NFIA: variants seen among roughly 807,000 people sequenced by gnomAD.
NFIA encodes nuclear factor I A.
In NFIA, 8 loss-of-function variants were observed where a neutral mutation model predicts 62.8. The ratio of observed to expected loss-of-function variants is 0.13; its 90% confidence interval spans 0.07 to 0.23. The LOEUF (loss-of-function observed/expected upper bound fraction) is 0.23, where lower values mean the gene tolerates loss of function less well. NFIA is among the 10% of genes least tolerant of loss of function. The pLI, the probability that NFIA is intolerant of heterozygous loss-of-function variation, is 1.00. For synonymous variants in NFIA, 235 were observed against 238.1 expected, an observed-to-expected ratio of 0.99 and a Z score of 0.12; for missense variants, 410 against 642.1, an observed-to-expected ratio of 0.64 and a Z score of 3.91.
chr1:61,338,396 C>T (rs1243846510), intron 4 of NFIA, among the ~76,000 whole-genome samples: 2 of 152,208 alleles, frequency 1.3e-5, no homozygotes, highest in African/African-American at 4.8e-5. Context: ...CATGAGGTGG[C>T]ACCCTAGTGG....
intron 2 of NFIA, among the ~76,000 whole-genome samples, chr1:61,103,770 A>G (rs1646551043): frequency 6.6e-6 from 1 of 152,160 alleles, no homozygotes; most frequent in South Asian, 2.1e-4. Flanking sequence ...TTTTTACAGA[A>G]TGATTTTCCT....
At chr1:61,160,427 G>A (rs746275967) in intron 2 of NFIA, among the ~76,000 whole-genome samples, 2 of 152,212 alleles carry the variant, frequency 1.3e-5, no homozygotes, top group Non-Finnish European at 2.9e-5. Flanking sequence ...ACTTTCTGAA[G>A]TGTCATCCAA....
Position 61,406,542 on chromosome 1 carries a change from T to TTGGC in NFIA, c.1255-20_1255-19insTGGC. The TTGGC allele has an allele frequency of 8.0e-7, 1 of 1,253,824 alleles. No homozygotes were observed. The highest frequency in any genetic ancestry group is 1.1e-6 in the Non-Finnish European group (1 of 931,738). 77.7% of individuals were successfully genotyped at this position (1,253,824 alleles called of 1,614,324 possible). On this transcript the variant is annotated intron_variant, in intron 8 of 10. Transcript: ENST00000403491. ...TTCTTTTTCTTGTACGTGTGTTTTC[T>TTGGC]GCCCCCCCCCCCCCCACAGCCCAAT...
In NFIA at chr1:61,455,458, G is replaced by T. The variant is rs1478132480; in HGVS notation, c.*138G>T. ...GAGAAAAACCGATTCAAATCAACTT[G>T]TACATGGAAACAGCAAGCATTATGG... On this transcript the variant is annotated 3_prime_UTR_variant, in exon 11 of 11. Coordinates refer to ENST00000403491, the MANE Select transcript of NFIA (RefSeq NM_001134673.4). The T allele has an allele frequency of 7.1e-7, 1 of 1,401,878 alleles. No homozygotes were observed. Among genetic ancestry groups the T allele is most frequent in the Non-Finnish European group, 1.0e-6 (1 of 1,002,462 alleles). The allele number at this position is 1,401,878 out of a possible 1,614,324, so 86.8% of individuals were successfully genotyped here.
intron 6 of NFIA, among the ~76,000 whole-genome samples, chr1:61,373,090 C>A (rs190778763): frequency 4.5e-4 from 69 of 152,230 alleles, no homozygotes; most frequent in Admixed American, 1.8e-3. Context: ...GTGATAGCAG[C>A]TCAATTCATT....
intron 7 of NFIA, among the ~76,000 whole-genome samples, chr1:61,397,932 A>C (rs1665362539): frequency 6.6e-6 from 1 of 152,196 alleles, no homozygotes; most frequent in South Asian, 2.1e-4. Flanking sequence ...AGTTAATGAG[A>C]TATCAAAGGT....
intron 7 of NFIA, among the ~76,000 whole-genome samples, chr1:61,387,900 G>A (rs184330686): frequency 7.9e-5 from 12 of 152,288 alleles, no homozygotes; most frequent in Admixed American, 6.5e-4. Context: ...GAACCATGGC[G>A]TTGCATCCAA....
intron 2 of NFIA, among the ~76,000 whole-genome samples, chr1:61,111,239 C>T (rs1295451983): frequency 6.6e-6 from 1 of 152,030 alleles, no homozygotes; most frequent in Non-Finnish European, 1.5e-5. Flanking sequence ...GATGGTTTTT[C>T]TTTTTATAAG....
chr1:61,135,104 A>C (rs1647158221), intron 2 of NFIA, among the ~76,000 whole-genome samples: 1 of 152,242 alleles, frequency 6.6e-6, no homozygotes, highest in Admixed American at 6.5e-5. Context: ...GAGGTTCTTT[A>C]TATTAACACA....
intron 2 of NFIA, among the ~76,000 whole-genome samples, chr1:61,254,604 A>C (rs1310732485): frequency 6.6e-6 from 1 of 152,222 alleles, no homozygotes; most frequent in African/African-American, 2.4e-5. Context: ...ACAAATGTAA[A>C]ATGCTACACA....
chr1:61,082,690 C>G lies in NFIA; in HGVS notation c.-102C>G. ...TCCCCCCTTCTCTCTCTCTCTCTCT[C>G]TCTCTCTTCCTCTCTCCCTCTTTCT... On this transcript the variant is annotated 5_prime_UTR_variant, in exon 1 of 11. Coordinates refer to ENST00000403491, the MANE Select transcript of NFIA (RefSeq NM_001134673.4). 6.5e-7 allele frequency: 1 copy of G among 1,541,408 alleles called. No homozygotes were observed. Among genetic ancestry groups the G allele is most frequent in the Non-Finnish European group, 8.8e-7 (1 of 1,141,186 alleles).
chr1:61,254,776 T>C (rs1656270983), intron 2 of NFIA, among the ~76,000 whole-genome samples: 1 of 152,214 alleles, frequency 6.6e-6, no homozygotes, highest in African/African-American at 2.4e-5. Flanking sequence ...ATATAGTTAG[T>C]CATGTGGACA....
intron 2 of NFIA, among the ~76,000 whole-genome samples, chr1:61,128,915 GTTTTTTTTTTTT>G (rs10635152): frequency 2.7e-5 from 2 of 74,124 alleles, no homozygotes; most frequent in African/African-American, 5.7e-5. Flanking sequence ...GCTTACTTAT[GTTTTTTTTTTTT>G]TTTTTTTTTT....
intron 2 of NFIA, among the ~76,000 whole-genome samples, chr1:61,167,640 AT>A (rs1217444252): frequency 6.6e-6 from 1 of 152,188 alleles, no homozygotes; most frequent in Non-Finnish European, 1.5e-5. Context: ...TCACATACTC[AT>A]TTTTTGAAAT....
chr1:61,356,364 T>G (rs1310923310), intron 5 of NFIA, among the ~76,000 whole-genome samples: 1 of 152,226 alleles, frequency 6.6e-6, no homozygotes, highest in Non-Finnish European at 1.5e-5. Context: ...TGATTTCCAG[T>G]GGCTTTCCAT....
chr1:61,375,330 A>G (rs770277405), intron 6 of NFIA, among the ~76,000 whole-genome samples: 1 of 152,158 alleles, frequency 6.6e-6, no homozygotes, highest in African/African-American at 2.4e-5. Flanking sequence ...AGTCTGATGG[A>G]CATGACTGAG....
At chr1:61,089,291 A>G (rs1340482184) in intron 2 of NFIA, among the ~76,000 whole-genome samples, 2 of 152,228 alleles carry the variant, frequency 1.3e-5, no homozygotes, top group African/African-American at 4.8e-5. Context: ...GGTTAATATT[A>G]AAAATAACCA....
At chr1:61,352,685 G>A (rs1316625385) in intron 5 of NFIA, 118 bp downstream of exon 5, 2 of 855,098 alleles carry the variant, frequency 2.3e-6, no homozygotes, top group East Asian at 4.9e-5. Flanking sequence ...TAACAAAGTA[G>A]TGGGTTCAGC....
upstream of NFIA, chr1:61,081,700 C>T (rs904321511): frequency 2.9e-5 from 17 of 587,882 alleles, no homozygotes; most frequent in Non-Finnish European, 4.7e-5. Context: ...TTTCTCCAGA[C>T]CCCCGCCCCC....
Sources: allele counts gnomAD v4.1 joint callset (sites outside exome capture counted in the v4.1 genomes callset), GRCh38; gene constraint gnomAD v4.1.1; transcripts MANE v1.5; gene names NCBI Gene and HGNC (gene_info 2026-07-23, HGNC 2026-07-21).